The following PTCHD4 variants were observed in gnomAD, a reference collection of about 807,000 sequenced individuals.
PTCHD4 encodes the protein patched domain-containing protein 4.
PTCHD4 carries 33 observed loss-of-function variants against 58.1 expected under a neutral mutation model. That is an observed-to-expected ratio of 0.57 (90% CI 0.43 to 0.76). The LOEUF (loss-of-function observed/expected upper bound fraction) is 0.76, where lower values mean the gene tolerates loss of function less well. Ranked by LOEUF, PTCHD4 falls within the 30% of genes least tolerant of loss-of-function variation. The pLI is 0.00. For missense variants in PTCHD4, 1,058 were observed against 1,027.1 expected, an observed-to-expected ratio of 1.03 and a Z score of -0.41; for synonymous variants, 478 against 409.6, an observed-to-expected ratio of 1.17 and a Z score of -2.02.
intron 1 of PTCHD4, among the ~76,000 whole-genome samples, chr6:48,083,319 C>T (rs1001333186): frequency 2.0e-5 from 3 of 151,680 alleles, no homozygotes; most frequent in Non-Finnish European, 4.4e-5. Flanking sequence ...CTTAACAAAA[C>T]AGATAGTAAT....
intron 1 of PTCHD4, among the ~76,000 whole-genome samples, chr6:48,070,894 C>T (rs1007164311): frequency 1.3e-5 from 2 of 152,148 alleles, no homozygotes; most frequent in African/African-American, 2.4e-5. Flanking sequence ...TCTATACCTT[C>T]GTTATTACAT....
At chr6:48,045,221 T>C (rs765588957) in intron 3 of PTCHD4, among the ~76,000 whole-genome samples, 1 of 151,876 alleles carries the variant, frequency 6.6e-6, no homozygotes, top group Admixed American at 6.6e-5. Flanking sequence ...TCTAAAAATA[T>C]GTTTTGTGGA....
At chr6:48,007,208 C>A (rs1332472703) in intron 4 of PTCHD4, among the ~76,000 whole-genome samples, 1 of 151,976 alleles carries the variant, frequency 6.6e-6, no homozygotes, top group African/African-American at 2.4e-5. Flanking sequence ...ACACTGCACT[C>A]CAGCCTGGAA....
intron 4 of PTCHD4, among the ~76,000 whole-genome samples, chr6:47,995,839 T>C (rs977524769): frequency 1.3e-5 from 2 of 152,178 alleles, no homozygotes; most frequent in Non-Finnish European, 2.9e-5. Context: ...GATAAAATAT[T>C]TGATGGACGT....
At chr6:47,935,560 A>G (rs1264911258) in intron 4 of PTCHD4, among the ~76,000 whole-genome samples, 1 of 152,188 alleles carries the variant, frequency 6.6e-6, no homozygotes, top group African/African-American at 2.4e-5. Flanking sequence ...AAAGCATTTT[A>G]GGAGGAATTC....
intron 4 of PTCHD4, among the ~76,000 whole-genome samples, chr6:47,995,410 C>A (rs1035375898): frequency 6.6e-6 from 1 of 152,154 alleles, no homozygotes; most frequent in South Asian, 2.1e-4. Context: ...ATCACAAAGT[C>A]TTCTGAATAA....
intron 1 of PTCHD4, among the ~76,000 whole-genome samples, 104 bp from the exon 2 acceptor site, chr6:48,070,030 T>C (rs1436121295): frequency 1.3e-5 from 2 of 152,030 alleles, no homozygotes; most frequent in Non-Finnish European, 2.9e-5. Flanking sequence ...CCCCACCAGA[T>C]ACAATTCCTC....
chr6:47,944,832 C>T (rs560846934), intron 4 of PTCHD4, among the ~76,000 whole-genome samples: 1 of 152,236 alleles, frequency 6.6e-6, no homozygotes, highest in East Asian at 1.9e-4. Context: ...AGCAAACTTA[C>T]TCCTCACTTC....
At chr6:48,062,365 T>C (rs1325029402) in intron 3 of PTCHD4, among the ~76,000 whole-genome samples, 1 of 152,042 alleles carries the variant, frequency 6.6e-6, no homozygotes, top group Non-Finnish European at 1.5e-5. Context: ...CCCCAAGTCC[T>C]TGGTGGTTCT....
At chr6:48,038,859 A>G in intron 3 of PTCHD4, among the ~76,000 whole-genome samples, 1 of 152,170 alleles carries the variant, frequency 6.6e-6, no homozygotes, top group East Asian at 1.9e-4. Context: ...AAAGAATTAT[A>G]GAGAACCCAG....
intron 4 of PTCHD4, among the ~76,000 whole-genome samples, chr6:47,982,581 C>A (rs944675897): frequency 2.6e-5 from 4 of 151,678 alleles, no homozygotes; most frequent in African/African-American, 9.7e-5. Context: ...CTCCGCCTCC[C>A]GGGTTCACGC....
At chr6:48,110,837 C>T (rs1411379739) in intron 1 of PTCHD4, among the ~76,000 whole-genome samples, 1 of 147,618 alleles carries the variant, frequency 6.8e-6, no homozygotes, top group Non-Finnish European at 1.5e-5. Context: ...CAAATATGTT[C>T]TCCCAATCTG....
At chr6:47,962,471 C>T (rs538311565) in intron 4 of PTCHD4, among the ~76,000 whole-genome samples, 29 of 151,978 alleles carry the variant, frequency 1.9e-4, no homozygotes, top group Non-Finnish European at 3.8e-4. Flanking sequence ...AAGGAGAGAC[C>T]AGATGGAGAT....
chr6:48,040,833 C>T (rs1179547237), intron 3 of PTCHD4, among the ~76,000 whole-genome samples: 1 of 151,910 alleles, frequency 6.6e-6, no homozygotes, highest in Non-Finnish European at 1.5e-5. Context: ...GGTCTAACTT[C>T]CAAGAGCAAT....
At chr6:47,971,284 C>A (rs201216250) in intron 4 of PTCHD4, among the ~76,000 whole-genome samples, 1 of 151,478 alleles carries the variant, frequency 6.6e-6, no homozygotes, top group East Asian at 1.9e-4. Flanking sequence ...AAAAAAGGAA[C>A]AATAAGAAAC....
intron 4 of PTCHD4, among the ~76,000 whole-genome samples, chr6:47,980,977 A>T (rs1217001265): frequency 1.3e-5 from 2 of 151,726 alleles, no homozygotes; most frequent in African/African-American, 2.4e-5. Context: ...TTTTATTTTG[A>T]TTCTTCTTTT....
chr6:48,051,764 A>T (rs1349401318), intron 3 of PTCHD4, among the ~76,000 whole-genome samples: 2 of 152,038 alleles, frequency 1.3e-5, no homozygotes, highest in African/African-American at 2.4e-5. Context: ...ATAAATTTTG[A>T]AAAAGAAAAC....
intron 4 of PTCHD4, among the ~76,000 whole-genome samples, chr6:48,000,769 T>G (rs1001420869): frequency 3.2e-4 from 49 of 152,318 alleles, no homozygotes; most frequent in African/African-American, 1.1e-3. Flanking sequence ...ATGACTCCAC[T>G]TATGCTCTGA....
chr6:48,072,019 G>A (rs1375547865), intron 1 of PTCHD4, among the ~76,000 whole-genome samples: 1 of 152,176 alleles, frequency 6.6e-6, no homozygotes, highest in Non-Finnish European at 1.5e-5. Flanking sequence ...ACTTATCACT[G>A]TTGATGTGAA....
Sources: allele counts gnomAD v4.1 joint callset (sites outside exome capture counted in the v4.1 genomes callset), GRCh38; gene constraint gnomAD v4.1.1; transcripts MANE v1.5; gene names NCBI Gene and HGNC (gene_info 2026-07-23, HGNC 2026-07-21).